The following RAB30 variants were observed in gnomAD, a reference collection of about 807,000 sequenced individuals.
RAB30 encodes RAB30, member RAS oncogene family.
A neutral mutation model predicts 25.1 loss-of-function variants in RAB30; 9 were observed. The observed-to-expected ratio is 0.36, with a 90% CI of 0.22 to 0.63. The LOEUF (loss-of-function observed/expected upper bound fraction) is 0.63, where lower values mean the gene tolerates loss of function less well. Among genes scored for constraint, RAB30 ranks in the 20% least tolerant of loss-of-function variants. The probability of loss-of-function intolerance (pLI) is 0.69; values close to 1 mark genes in which losing one functional copy is unlikely to be tolerated. For missense variants in RAB30, 140 were observed against 243.5 expected, an observed-to-expected ratio of 0.58 and a Z score of 2.83; for synonymous variants, 77 against 86.4, an observed-to-expected ratio of 0.89 and a Z score of 0.60.
At chr11:83,043,015 G>T (rs1332894738) in intron 1 of RAB30, among the ~76,000 whole-genome samples, 1 of 152,122 alleles carries the variant, frequency 6.6e-6, no homozygotes, top group South Asian at 2.1e-4. Flanking sequence ...GACAATATGG[G>T]TATGATAGAT....
At chr11:83,056,222 T>C (rs1334789878) in intron 1 of RAB30, among the ~76,000 whole-genome samples, 1 of 152,212 alleles carries the variant, frequency 6.6e-6, no homozygotes, top group African/African-American at 2.4e-5. Flanking sequence ...TTTTACTTTA[T>C]ATTTCTTTGT....
At chr11:83,068,233 G>T (rs1214463787) in intron 1 of RAB30, among the ~76,000 whole-genome samples, 1 of 151,786 alleles carries the variant, frequency 6.6e-6, no homozygotes, top group Non-Finnish European at 1.5e-5. Flanking sequence ...GGGAGGCGGA[G>T]GTTGCAATGA....
intron 4 of RAB30, chr11:82,986,880 CTCAAATTTCCCTAAT>C (rs1377305901): frequency 2.6e-5 from 4 of 152,194 alleles, no homozygotes; most frequent in Non-Finnish European, 5.9e-5. Flanking sequence ...AGGATCTCTA[CTCAAATTTCCCTAAT>C]TCAGGTATTG....
intron 1 of RAB30, among the ~76,000 whole-genome samples, chr11:83,058,219 C>T (rs1034393077): frequency 6.6e-6 from 1 of 152,190 alleles, no homozygotes; most frequent in Admixed American, 6.5e-5. Flanking sequence ...AAAACAAGGA[C>T]AGTCCTTGTG....
At chr11:83,050,830 G>A (rs1858342521) in intron 1 of RAB30, among the ~76,000 whole-genome samples, 1 of 152,110 alleles carries the variant, frequency 6.6e-6, no homozygotes, top group African/African-American at 2.4e-5. Flanking sequence ...TAGATTCCAT[G>A]AAATGCAATC....
In RAB30 at chr11:82,982,096, A is replaced by C. The variant is rs572874451; in HGVS notation, c.*69T>G. 2.5e-6 allele frequency: 4 copies of C among 1,592,050 alleles called. No individual in the cohort carries two copies. In the East Asian group the frequency reaches 9.0e-5, roughly 36 times the overall value. On this transcript the variant is annotated 3_prime_UTR_variant, in exon 5 of 5. Transcript: ENST00000527633. Reference sequence around the variant, plus strand: ...GAGAGCGGGAGCCACAGTCATCGCCAGATCTCCCCAGCATCTCATGGCCCA... The same window carrying C: ...GAGAGCGGGAGCCACAGTCATCGCCCGATCTCCCCAGCATCTCATGGCCCA...
chr11:82,991,712 T>G (rs760288243), intron 3 of RAB30, among the ~76,000 whole-genome samples: 9 of 152,086 alleles, frequency 5.9e-5, no homozygotes, highest in Admixed American at 2.0e-4. Flanking sequence ...TGGACTGGAT[T>G]TGGGAGATGA....
chr11:83,044,795 GC>G (rs1162826749), intron 1 of RAB30, among the ~76,000 whole-genome samples: 1 of 151,980 alleles, frequency 6.6e-6, no homozygotes, highest in Non-Finnish European at 1.5e-5. Flanking sequence ...TGATTTTTTA[GC>G]CCACAAACCC....
At position 82,998,417 on chromosome 11, in the gene RAB30, G is replaced by A. The variant is rs566722107; in HGVS notation, c.-8-1093C>T. ...ACAAAAATTACCCAGGTGTGGTGGC[G>A]TGCCCCTGTAATCCCAGCTACTCAG... On this transcript the variant is annotated intron_variant, in intron 1 of 4. Transcript: ENST00000527633. Among the ~76,000 whole-genome samples, 333 of 151,930 alleles carry A rather than the reference G, an allele frequency of 2.2e-3. 4 individuals carry two copies. Among genetic ancestry groups the A allele is most frequent in the African/African-American group, 7.5e-3 (309 of 41,452 alleles).
rs530648246 is a variant in RAB30 at position 82,979,113 on chromosome 11, C to T, written c.*3052G>A. ...AAAAGCACACAAAGGGAGAAAAAGC[C>T]TTCTATGGGCAAAGAAGCACAAAAT... On this transcript the variant is annotated 3_prime_UTR_variant, in exon 5 of 5. Transcript: ENST00000527633. 3 of 152,208 alleles carry T rather than the reference C, an allele frequency of 2.0e-5. No individual in the cohort carries two copies. The South Asian group carries it at 6.2e-4, about 32-fold the overall frequency. 9.4% of individuals were successfully genotyped at this position (152,208 alleles called of 1,614,324 possible).
chr11:83,007,554 C>A (rs760162824), intron 1 of RAB30, among the ~76,000 whole-genome samples: 1 of 152,138 alleles, frequency 6.6e-6, no homozygotes, highest in Non-Finnish European at 1.5e-5. Context: ...CCCAAGCAAA[C>A]ACCTGAATTA....
intron 1 of RAB30, chr11:83,035,249 C>G (rs1457878428): frequency 6.6e-6 from 1 of 152,114 alleles, no homozygotes; most frequent in Non-Finnish European, 1.5e-5. Flanking sequence ...AGGGAGCCAC[C>G]TAGATCATCA....
chr11:83,059,241 C>T (rs903238107), intron 1 of RAB30, among the ~76,000 whole-genome samples: 11 of 152,196 alleles, frequency 7.2e-5, no homozygotes, highest in African/African-American at 1.4e-4. Flanking sequence ...CGTGCCTGGC[C>T]TCTTTCCAGG....
intron 1 of RAB30, among the ~76,000 whole-genome samples, chr11:83,061,067 G>C (rs1440219477): frequency 6.6e-6 from 1 of 152,220 alleles, no homozygotes; most frequent in Non-Finnish European, 1.5e-5. Context: ...GAGTTCCACT[G>C]TCAGCTTCCC....
chr11:83,015,490 G>A (rs1248293911), intron 1 of RAB30, among the ~76,000 whole-genome samples: 1 of 152,206 alleles, frequency 6.6e-6, no homozygotes, highest in African/African-American at 2.4e-5. Flanking sequence ...TTGGAGTGGA[G>A]CTGAATCAAG....
chr11:83,030,580 C>T (rs114230788), intron 1 of RAB30, among the ~76,000 whole-genome samples: 2,409 of 152,070 alleles, frequency 0.016, 71 homozygotes, highest in African/African-American at 0.056. Context: ...GGCAGAACAC[C>T]TGAGGCTAGG....
Position 82,990,983 on chromosome 11 carries a change from C to G in RAB30, c.177+3056G>C, listed in dbSNP as rs978903018. ...CTACAAAAATCTAATACCTTGGATT[C>G]CCTGCCTTCAATCCTGGGAGCCATC... On this transcript the variant is annotated intron_variant, in intron 3 of 4. Transcript: ENST00000527633. Among the ~76,000 whole-genome samples the G allele has an allele frequency of 3.3e-5, 5 of 152,142 alleles. No homozygotes were observed. The East Asian group carries it at 9.7e-4, about 29-fold the overall frequency.
chr11:83,022,333 A>C (rs1480744015), intron 1 of RAB30, among the ~76,000 whole-genome samples: 1 of 151,918 alleles, frequency 6.6e-6, no homozygotes, highest in African/African-American at 2.4e-5. Context: ...CTAATTTTTA[A>C]ATTTTTCTGG....
chr11:83,011,168 T>C (rs1827711586), intron 1 of RAB30, among the ~76,000 whole-genome samples: 1 of 152,246 alleles, frequency 6.6e-6, no homozygotes, highest in African/African-American at 2.4e-5. Flanking sequence ...TTTCAGAACT[T>C]TGGAAACACA....
Sources: allele counts gnomAD v4.1 joint callset (sites outside exome capture counted in the v4.1 genomes callset), GRCh38; gene constraint gnomAD v4.1.1; transcripts MANE v1.5; gene names NCBI Gene and HGNC (gene_info 2026-07-23, HGNC 2026-07-21).